Variants in TENM2 observed in about 807,000 individuals in gnomAD.
TENM2 encodes the protein teneurin-2.
Under a neutral mutation model 245.2 loss-of-function variants are expected in TENM2, and 52 were observed. That is an observed-to-expected ratio of 0.21 (90% CI 0.17 to 0.27). The LOEUF (loss-of-function observed/expected upper bound fraction) is 0.27. Among genes scored for constraint, TENM2 ranks in the 10% least tolerant of loss-of-function variants. The probability of loss-of-function intolerance (pLI) is 1.00; values close to 1 mark genes in which losing one functional copy is unlikely to be tolerated. For synonymous variants in TENM2, 1,363 were observed against 1,438.9 expected (o/e 0.95, Z 1.19); for missense variants, 3,046 against 3,666.8 (o/e 0.83, Z 4.37).
chr5:167,640,895 ATATATATAT>A (rs1779558679), intron 2 of TENM2, among the ~76,000 whole-genome samples: 1 of 93,412 alleles, frequency 1.1e-5, no homozygotes, highest in African/African-American at 4.6e-5. Flanking sequence ...ATATATATAT[ATATATATAT>A]ATCTTTCTCT....
intron 2 of TENM2, among the ~76,000 whole-genome samples, chr5:167,784,300 G>A (rs1031873276): frequency 2.6e-5 from 4 of 152,068 alleles, no homozygotes; most frequent in African/African-American, 9.7e-5. Context: ...TGTTTTGGGG[G>A]GTAAAGAAAT....
chr5:167,799,186 C>T (rs1314905600), intron 2 of TENM2, among the ~76,000 whole-genome samples: 2 of 152,200 alleles, frequency 1.3e-5, no homozygotes, highest in Non-Finnish European at 2.9e-5. Context: ...CTGTATCTCC[C>T]AGCAGGGTAA....
At chr5:167,082,207 A>G in the TENM2 span, among the ~76,000 whole-genome samples, 1 of 152,198 alleles carries the variant, frequency 6.6e-6, no homozygotes, top group African/African-American at 2.4e-5. Context: ...AGCGAAATGC[A>G]TATCAGTAGT....
intron 12 of TENM2, among the ~76,000 whole-genome samples, chr5:168,127,319 T>C (rs1180240133): frequency 2.0e-5 from 3 of 152,188 alleles, no homozygotes. Flanking sequence ...CTCTCTCAGC[T>C]GGCTGGATCA....
intron 9 of TENM2, among the ~76,000 whole-genome samples, chr5:168,117,964 G>T (rs1327593625): frequency 6.6e-6 from 1 of 152,174 alleles, no homozygotes; most frequent in Non-Finnish European, 1.5e-5. Flanking sequence ...CACTTCCCCT[G>T]TCTGAGCCTC....
At chr5:167,319,409 G>C (rs910363948) in intron 1 of TENM2, among the ~76,000 whole-genome samples, 4 of 151,994 alleles carry the variant, frequency 2.6e-5, no homozygotes, top group African/African-American at 9.7e-5. Flanking sequence ...AAGTTGTCTC[G>C]CATTTAGAAG....
chr5:167,344,756 C>T (rs896250542), intron 1 of TENM2, among the ~76,000 whole-genome samples: 2 of 152,010 alleles, frequency 1.3e-5, no homozygotes, highest in African/African-American at 2.4e-5. Flanking sequence ...CTAGGGCACA[C>T]CAGAGACTTG....
At chr5:167,408,828 T>C (rs1193687365) in intron 2 of TENM2, among the ~76,000 whole-genome samples, 1 of 150,236 alleles carries the variant, frequency 6.7e-6, no homozygotes, top group Non-Finnish European at 1.5e-5. Flanking sequence ...CTATAGTGTA[T>C]ATATATGTCT....
chr5:168,030,962 T>C (rs946499691), intron 5 of TENM2, among the ~76,000 whole-genome samples: 2 of 152,206 alleles, frequency 1.3e-5, no homozygotes, highest in Non-Finnish European at 2.9e-5. Context: ...GAGACTCTTT[T>C]TGTGGTAACT....
At chr5:167,901,716 C>A (rs995140510) in intron 3 of TENM2, among the ~76,000 whole-genome samples, 5 of 152,104 alleles carry the variant, frequency 3.3e-5, no homozygotes, top group Non-Finnish European at 7.4e-5. Context: ...TGCTAGAGCA[C>A]CGTATTAATG....
At chr5:168,186,347 G>T (rs1412938629) in intron 13 of TENM2, 1 of 152,038 alleles carries the variant, frequency 6.6e-6, no homozygotes, top group Non-Finnish European at 1.5e-5. Flanking sequence ...AGAATGCCTT[G>T]GTATCATTCC....
chr5:168,163,605 A>G (rs1581500911), intron 13 of TENM2, among the ~76,000 whole-genome samples: 1 of 152,256 alleles, frequency 6.6e-6, no homozygotes, highest in East Asian at 1.9e-4. Context: ...TATTGACTGA[A>G]CCAAGGGTTG....
At chr5:167,193,291 T>C in the TENM2 span, among the ~76,000 whole-genome samples, 2 of 152,010 alleles carry the variant, frequency 1.3e-5, no homozygotes, top group Non-Finnish European at 2.9e-5. Flanking sequence ...AGCATTGCAC[T>C]CTTGGGAAAT....
At chr5:167,518,470 T>A (rs931176926) in intron 2 of TENM2, among the ~76,000 whole-genome samples, 1 of 152,176 alleles carries the variant, frequency 6.6e-6, no homozygotes, top group Non-Finnish European at 1.5e-5. Flanking sequence ...TAATTGTCAT[T>A]TTTGTAAGTC....
chr5:167,773,728 A>AT (rs541570998), intron 2 of TENM2, among the ~76,000 whole-genome samples: 126 of 150,626 alleles, frequency 8.4e-4, no homozygotes, highest in Admixed American at 1.1e-3. Flanking sequence ...AGCTGAAAGC[A>AT]TTTTTTTTTT....
intron 5 of TENM2, among the ~76,000 whole-genome samples, chr5:168,040,010 G>A (rs926763296): frequency 2.6e-5 from 4 of 152,158 alleles, no homozygotes; most frequent in African/African-American, 9.7e-5. Flanking sequence ...CCCACTCACT[G>A]TACCATCCTG....
intron 2 of TENM2, among the ~76,000 whole-genome samples, chr5:167,688,468 C>A (rs1757221204): frequency 6.6e-6 from 1 of 152,130 alleles, no homozygotes; most frequent in Admixed American, 6.5e-5. Flanking sequence ...CCGTCATCAT[C>A]CTCAAAACAC....
At chr5:167,136,755 C>T in the TENM2 span, among the ~76,000 whole-genome samples, 7 of 152,084 alleles carry the variant, frequency 4.6e-5, no homozygotes, top group Non-Finnish European at 4.4e-5. Context: ...TTGGCCCACC[C>T]TAATCTCATA....
At chr5:168,231,583 G>A (rs1581706750) in intron 25 of TENM2, among the ~76,000 whole-genome samples, 1 of 152,196 alleles carries the variant, frequency 6.6e-6, no homozygotes, top group South Asian at 2.1e-4. Flanking sequence ...GCAGAGTGAT[G>A]TGCTGGGATG....
Sources: gnomAD v4.1 joint callset for allele counts (sites outside exome capture counted in the v4.1 genomes callset) on GRCh38, gnomAD v4.1.1 for gene constraint, MANE v1.5 for transcripts, NCBI Gene and HGNC (gene_info 2026-07-23, HGNC 2026-07-21) for gene names.